FOXJ3: variants seen among roughly 807,000 people sequenced by gnomAD.
FOXJ3 encodes forkhead box J3.
FOXJ3 carries 22 observed loss-of-function variants against 76.1 expected under a neutral mutation model. The observed-to-expected ratio is 0.29, with a 90% CI of 0.21 to 0.41. FOXJ3 has a LOEUF of 0.41. Ranked by LOEUF, FOXJ3 falls within the 10% of genes least tolerant of loss-of-function variation. FOXJ3 has a pLI of 1.00. For missense variants in FOXJ3, 613 were observed against 762.1 expected (o/e 0.80, Z 2.30); for synonymous variants, 269 against 261.2 (o/e 1.03, Z -0.29).
At chr1:42,185,039 T>C (rs1290668564) in intron 11 of FOXJ3, among the ~76,000 whole-genome samples, 1 of 151,978 alleles carries the variant, frequency 6.6e-6, no homozygotes, top group Non-Finnish European at 1.5e-5. Flanking sequence ...ACATTGGTCT[T>C]TACTGAGAAA....
rs377713534 is a variant in FOXJ3 at position 42,220,865 on chromosome 1, A to G, written c.528+7018T>C. Among the ~76,000 whole-genome samples the G allele has an allele frequency of 3.9e-5, 6 of 152,278 alleles. No individual in the cohort carries two copies. The East Asian group carries it at 9.6e-4, about 24-fold the overall frequency. ...GTCTGCTTCTGAGGAAACCCAAACC[A>G]TGGCAGACATCTTTTCCTTTTCTCA... On this transcript the variant is annotated intron_variant, in intron 5 of 12. Coordinates refer to ENST00000361346, the MANE Select transcript of FOXJ3 (RefSeq NM_014947.5).
intron 2 of FOXJ3, among the ~76,000 whole-genome samples, chr1:42,288,846 T>C (rs750458569): frequency 1.3e-5 from 2 of 152,176 alleles, no homozygotes; most frequent in African/African-American, 4.8e-5. Context: ...AAAAATATAA[T>C]GTAATGCCAA....
At chr1:42,316,765 TAC>T (rs1655137329) in intron 1 of FOXJ3, among the ~76,000 whole-genome samples, 1 of 152,186 alleles carries the variant, frequency 6.6e-6, no homozygotes, top group Non-Finnish European at 1.5e-5. Context: ...TTAAAACTAT[TAC>T]ACTTAGGAAT....
intron 3 of FOXJ3, among the ~76,000 whole-genome samples, chr1:42,275,958 A>T (rs748490713): frequency 1.3e-5 from 2 of 152,252 alleles, no homozygotes; most frequent in Non-Finnish European, 2.9e-5. Flanking sequence ...GAAATAAATT[A>T]TTGAATGAAT....
At chr1:42,228,612 A>G (rs899221972) in intron 4 of FOXJ3, among the ~76,000 whole-genome samples, 6 of 152,042 alleles carry the variant, frequency 3.9e-5, no homozygotes, top group South Asian at 4.1e-4. Flanking sequence ...CATAGATAAT[A>G]TAAGTTTGCA....
intron 1 of FOXJ3, among the ~76,000 whole-genome samples, chr1:42,313,829 A>T (rs950048489): frequency 6.6e-6 from 1 of 152,150 alleles, no homozygotes; most frequent in Admixed American, 6.5e-5. Context: ...ATTACTAGAC[A>T]TACTTCTTTA....
intron 2 of FOXJ3, among the ~76,000 whole-genome samples, chr1:42,294,557 G>A (rs934457043): frequency 2.0e-5 from 3 of 151,970 alleles, no homozygotes; most frequent in East Asian, 1.9e-4. Context: ...TCAGGAGTTC[G>A]AGACCAGCCT....
intron 4 of FOXJ3, among the ~76,000 whole-genome samples, chr1:42,235,395 G>A (rs1184205975): frequency 3.3e-5 from 5 of 152,124 alleles, no homozygotes; most frequent in Non-Finnish European, 5.9e-5. Context: ...CGCTCGGTGC[G>A]CTGCACCCAC....
intron 1 of FOXJ3, among the ~76,000 whole-genome samples, chr1:42,324,290 ATATAT>A (rs1214216579): frequency 3.0e-4 from 43 of 143,658 alleles, no homozygotes; most frequent in Middle Eastern, 3.9e-3. Context: ...TATTATACAC[ATATAT>A]TATATATATA....
chr1:42,243,182 G>A (rs1036710476), intron 4 of FOXJ3, among the ~76,000 whole-genome samples: 8 of 152,230 alleles, frequency 5.3e-5, no homozygotes, highest in African/African-American at 1.7e-4. Context: ...AAGGGCTTAT[G>A]GGAGTCCTAC....
chr1:42,324,093 ATATATACTGTGTATATACACTG>A (rs1267664380), intron 1 of FOXJ3, among the ~76,000 whole-genome samples: 1 of 126,862 alleles, frequency 7.9e-6, no homozygotes, highest in Non-Finnish European at 1.6e-5. Context: ...TATATACTGT[ATATATACTGTGTATATACACTG>A]TATATACACA....
chr1:42,302,528 T>C (rs1003490900), intron 2 of FOXJ3, among the ~76,000 whole-genome samples: 6 of 152,172 alleles, frequency 3.9e-5, no homozygotes, highest in Non-Finnish European at 7.4e-5. Context: ...TGGGGTCCAA[T>C]GGGCAACCAC....
intron 3 of FOXJ3, among the ~76,000 whole-genome samples, chr1:42,266,815 GC>G (rs1176226583): frequency 6.6e-6 from 1 of 152,132 alleles, no homozygotes; most frequent in Non-Finnish European, 1.5e-5. Context: ...TGCAGTAAAG[GC>G]AGCAAAACCT....
At chr1:42,249,026 G>C (rs1054663864) in intron 4 of FOXJ3, among the ~76,000 whole-genome samples, 54 of 152,138 alleles carry the variant, frequency 3.5e-4, no homozygotes, top group African/African-American at 1.3e-3. Flanking sequence ...TCCTCTGTTA[G>C]TTTGCTGAGG....
intron 5 of FOXJ3, among the ~76,000 whole-genome samples, chr1:42,219,761 A>ACAAAAAT (rs1647142500): frequency 6.6e-6 from 1 of 152,168 alleles, no homozygotes; most frequent in South Asian, 2.1e-4. Flanking sequence ...ACCTGTCTCT[A>ACAAAAAT]CAAAAATAAG....
intron 5 of FOXJ3, among the ~76,000 whole-genome samples, chr1:42,217,042 T>C (rs1013642513): frequency 1.3e-5 from 2 of 152,102 alleles, no homozygotes; most frequent in African/African-American, 2.4e-5. Context: ...TTCAAATATA[T>C]AGATCTGGGG....
intron 2 of FOXJ3, among the ~76,000 whole-genome samples, chr1:42,293,797 A>T (rs867810399): frequency 6.6e-5 from 10 of 152,274 alleles, no homozygotes; most frequent in South Asian, 6.2e-4. Context: ...TAGCTGATAC[A>T]TCATTTTGCA....
At chr1:42,281,453 A>T (rs1193774388) in intron 2 of FOXJ3, among the ~76,000 whole-genome samples, 1 of 151,996 alleles carries the variant, frequency 6.6e-6, no homozygotes, top group Non-Finnish European at 1.5e-5. Flanking sequence ...ATTTAAATAG[A>T]CTGGAAAGAA....
chr1:42,190,490 C>T (rs1290600436), intron 9 of FOXJ3, among the ~76,000 whole-genome samples: 2 of 152,118 alleles, frequency 1.3e-5, no homozygotes, highest in Admixed American at 1.3e-4. Flanking sequence ...TCCAAATGAG[C>T]CACGAACATG....
Sources: gnomAD v4.1 joint callset for allele counts (sites outside exome capture counted in the v4.1 genomes callset) on GRCh38, gnomAD v4.1.1 for gene constraint, MANE v1.5 for transcripts, NCBI Gene and HGNC (gene_info 2026-07-23, HGNC 2026-07-21) for gene names.